The following FOSL2 variants were observed in gnomAD, a reference collection of about 807,000 sequenced individuals.
FOSL2 encodes the protein FOS like 2, AP-1 transcription factor subunit, also known as fos-related antigen 2.
A neutral mutation model predicts 27.7 loss-of-function variants in FOSL2; 3 were observed. The ratio of observed to expected loss-of-function variants is 0.11; its 90% confidence interval spans 0.05 to 0.28. The LOEUF (loss-of-function observed/expected upper bound fraction) is 0.28. Among genes scored for constraint, FOSL2 ranks in the 10% least tolerant of loss-of-function variants. The probability of loss-of-function intolerance (pLI) is 1.00; values close to 1 mark genes in which losing one functional copy is unlikely to be tolerated. For missense variants in FOSL2, 333 were observed against 445.1 expected, an observed-to-expected ratio of 0.75 and a Z score of 2.27; for synonymous variants, 179 against 190.1, an observed-to-expected ratio of 0.94 and a Z score of 0.48.
rs955137424 is a variant in FOSL2 at position 28,393,454 on chromosome 2, T to C, written c.-267T>C. 2.4e-6 allele frequency: 1 copy of C among 421,134 alleles called. No homozygotes were observed. Among genetic ancestry groups the C allele is most frequent in the South Asian group, 3.0e-5 (1 of 32,970 alleles). 26.1% of individuals were successfully genotyped at this position (421,134 alleles called of 1,614,324 possible). A position where few individuals can be genotyped will look rare whatever the true frequency, so the allele number is the denominator to read the frequency against. ...GGGACCGAGAGACGCGCCGACTTTT[T>C]AGAGGGAGGGATCGGGTGGACAACT... On this transcript the variant is annotated 5_prime_UTR_variant, in exon 1 of 4. Coordinates refer to ENST00000264716, the MANE Select transcript of FOSL2 (RefSeq NM_005253.4). The surrounding 1 kb of genome is among the most constrained non-coding windows in gnomAD (Gnocchi z 4.6).
intron 1 of FOSL2, among the ~76,000 whole-genome samples, chr2:28,403,590 T>C (rs1010635807): frequency 6.6e-6 from 1 of 152,164 alleles, no homozygotes; most frequent in Non-Finnish European, 1.5e-5. Context: ...CTGAACCTCT[T>C]TGGAAAGTGA....
At chr2:28,397,932 C>T (rs1271170501) in intron 1 of FOSL2, among the ~76,000 whole-genome samples, 1 of 152,226 alleles carries the variant, frequency 6.6e-6, no homozygotes, top group East Asian at 1.9e-4. Context: ...GTCTGACATA[C>T]AAGTCTGGAT....
At chr2:28,395,014 C>A (rs980389633) in intron 1 of FOSL2, among the ~76,000 whole-genome samples, 5 of 152,070 alleles carry the variant, frequency 3.3e-5, no homozygotes, top group African/African-American at 1.2e-4. Context: ...TCCCTTGTTC[C>A]AAAGTGATTC....
At chr2:28,410,380 C>T (rs1307464865) in intron 3 of FOSL2, 1 of 197,520 alleles carries the variant, frequency 5.1e-6, no homozygotes, top group African/African-American at 2.4e-5. Flanking sequence ...TCCTTCCCTC[C>T]TCCCAGAGGC....
intron 2 of FOSL2, among the ~76,000 whole-genome samples, chr2:28,407,817 C>T (rs1403565965): frequency 1.3e-5 from 2 of 152,246 alleles, no homozygotes; most frequent in African/African-American, 4.8e-5. Context: ...GGTCACAGCT[C>T]TGCAGGGCTC....
Position 28,414,172 on chromosome 2 carries a change from A to ATT in FOSL2, c.*1725_*1726dup, listed in dbSNP as rs762079686. 3.4e-5 allele frequency: 8 copies of ATT among 233,154 alleles called. No individual in the cohort carries two copies. Among genetic ancestry groups the ATT allele is most frequent in the Non-Finnish European group, 5.0e-5 (6 of 120,720 alleles). 14.4% of individuals were successfully genotyped at this position (233,154 alleles called of 1,614,324 possible). On this transcript the variant is annotated 3_prime_UTR_variant, in exon 4 of 4. Transcript: ENST00000264716. ...TCACAGTATCCTCGTTTGAAAGATA[A>ATT]TTAAGATCCCCCGTGGAGAAAGCAG...
rs769042947 is a variant in FOSL2 at position 28,404,087 on chromosome 2, AT to A, written c.103-12del. On this transcript the variant is annotated intron_variant, in intron 1 of 3. Transcript: ENST00000264716. This position sits in a 1 kb window ranked among gnomAD's most constrained non-coding sequence, Gnocchi z 4.7. ...GCTTAGTATTTATTGGCTCATTTGT[AT>A]TTTTTTTCCTCATTTCAGAAATTCC... The A allele has an allele frequency of 6.6e-5, 107 of 1,612,688 alleles. 4 individuals are homozygous for A. The South Asian group carries it at 1.1e-3, about 16-fold the overall frequency.
intron 1 of FOSL2, among the ~76,000 whole-genome samples, chr2:28,397,453 T>C (rs1663870928): frequency 6.6e-6 from 1 of 152,152 alleles, no homozygotes; most frequent in Non-Finnish European, 1.5e-5. Context: ...CAAAATGTTA[T>C]CCCAAGAATT....
At chr2:28,396,807 C>CACACACAA (rs1553376543) in intron 1 of FOSL2, 5 of 149,496 alleles carry the variant, frequency 3.3e-5, no homozygotes, top group African/African-American at 1.3e-4. Flanking sequence ...CACACACACA[C>CACACACAA]ACACACACAC....
chr2:28,409,358 C>T (rs1222086795), intron 3 of FOSL2, among the ~76,000 whole-genome samples: 1 of 152,186 alleles, frequency 6.6e-6, no homozygotes, highest in Non-Finnish European at 1.5e-5. Context: ...CACGTGGCAG[C>T]AGGGTTGTAT....
Position 28,412,109 on chromosome 2 carries a change from C to T in FOSL2, c.642C>T (p.Gly214=). The part of the protein sequence containing the change: ...PGLQPMRSGG[G]SVGAVVVKQE... The stretch of plus-strand genomic sequence containing the variant: ...TGCAGCCCATGCGCAGTGGGGGTGG[C>T]TCGGTGGGCGCTGTAGTGGTGAAAC... Residue 214 remains glycine, a synonymous_variant, in exon 4 of 4, where the codon GGC becomes GGT. Coordinates refer to ENST00000264716, the MANE Select transcript of FOSL2 (RefSeq NM_005253.4). The surrounding 1 kb of genome is among the most constrained non-coding windows in gnomAD (Gnocchi z 7.1). 6.2e-7 allele frequency: 1 copy of T among 1,606,122 alleles called. No individual in the cohort carries two copies. Among genetic ancestry groups the T allele is most frequent in the Non-Finnish European group, 8.5e-7 (1 of 1,179,692 alleles).
At position 28,407,624 on chromosome 2, in the gene FOSL2, C is replaced by T. The variant is rs186937467; in HGVS notation, c.355-1135C>T. 8.5e-5 allele frequency among the ~76,000 whole-genome samples: 13 copies of T among 152,342 alleles called. No homozygotes were observed. The East Asian group carries it at 1.4e-3, about 16-fold the overall frequency. On this transcript the variant is annotated intron_variant, in intron 2 of 3. Coordinates refer to ENST00000264716, the MANE Select transcript of FOSL2 (RefSeq NM_005253.4). ...GCTTTGATTTTGCCCCCAGGTGTCC[C>T]GTGAGAGCTGACCCAGGTCTTATTC... is the stretch of plus-strand genomic sequence containing the variant.
Position 28,413,310 on chromosome 2 carries a change from G to A in FOSL2, c.*862G>A. The A allele has an allele frequency of 2.5e-6, 1 of 396,194 alleles. No homozygotes were observed. The allele number at this position is 396,194 out of a possible 1,614,324, so 24.5% of individuals were successfully genotyped here. A position where few individuals can be genotyped will look rare whatever the true frequency, so the allele number is the denominator to read the frequency against. Reference sequence around the variant, plus strand: ...GTCCTAGCCAGCTTCCCTTCACCTGGTGTCTTGAGTAGGGCGTCTCCTGTA... The same window carrying A: ...GTCCTAGCCAGCTTCCCTTCACCTGATGTCTTGAGTAGGGCGTCTCCTGTA... On this transcript the variant is annotated 3_prime_UTR_variant, in exon 4 of 4. Transcript: ENST00000264716.
intron 1 of FOSL2, among the ~76,000 whole-genome samples, chr2:28,403,139 G>A (rs958824043): frequency 2.0e-5 from 3 of 152,200 alleles, no homozygotes; most frequent in Non-Finnish European, 4.4e-5. Flanking sequence ...GAAGTAGGGG[G>A]CTCTTCTCTC....
At chr2:28,409,102 ACAACCTTCTGTGGGGGTGCTAGC>A (rs1321905263) in intron 3 of FOSL2, among the ~76,000 whole-genome samples, 1 of 152,180 alleles carries the variant, frequency 6.6e-6, no homozygotes, top group African/African-American at 2.4e-5. Context: ...GAAGAAATGA[ACAACCTTCTGTGGGGGTGCTAGC>A]CACGGTTTTT....
In FOSL2 at chr2:28,404,242, C is replaced by A. The variant is rs1664032803; in HGVS notation, c.238C>A (p.His80Asn). 6.2e-7 allele frequency: 1 copy of A among 1,614,114 alleles called. No individual in the cohort carries two copies. Among genetic ancestry groups the A allele is most frequent in the African/African-American group, 1.3e-5 (1 of 74,940 alleles). ...TSMSNPYPRS[H>N]PYSPLPGLAS... The stretch of plus-strand genomic sequence containing the variant: ...CATGTCCAACCCATACCCTCGCTCG[C>A]ACCCCTACAGCCCCCTGCCGGGCCT... The change falls in exon 2 of 4, where the codon CAC becomes AAC. Residue 80 changes from histidine (H) to asparagine (N), a missense_variant. Physicochemically the swap from His to Asn is moderately conservative, Grantham distance 68. Around this residue, in one of 4 missense-constraint regions of FOSL2, gnomAD observed 131 missense variants for 157.9 expected, o/e 0.83. Coordinates refer to ENST00000264716, the MANE Select transcript of FOSL2 (RefSeq NM_005253.4). This position sits in a 1 kb window ranked among gnomAD's most constrained non-coding sequence, Gnocchi z 4.7.
rs1190627582 is a variant in FOSL2, at chr2:28,408,910, G to T, written c.462+44G>T. ...GGTGGGAGCACCTCTGGGTGGGCTG[G>T]AGTGAGAGCCCCGGGGGTCCTGATC... On this transcript the variant is annotated intron_variant, in intron 3 of 3. Transcript: ENST00000264716. This position sits in a 1 kb window ranked among gnomAD's most constrained non-coding sequence, Gnocchi z 4.1. The T allele has an allele frequency of 1.4e-6, 2 of 1,386,908 alleles. No individual in the cohort carries two copies. Among genetic ancestry groups the T allele is most frequent in the South Asian group, 1.3e-5 (1 of 77,174 alleles). The allele number at this position is 1,386,908 out of a possible 1,614,324, so 85.9% of individuals were successfully genotyped here. A position where few individuals can be genotyped will look rare whatever the true frequency, so the allele number is the denominator to read the frequency against.
chr2:28,416,453 CTT>C lies in FOSL2; in HGVS notation c.*4006_*4007del, dbSNP rs1238102440. On this transcript the variant is annotated 3_prime_UTR_variant, in exon 4 of 4. Coordinates refer to ENST00000264716, the MANE Select transcript of FOSL2 (RefSeq NM_005253.4). Reference sequence around the variant, plus strand: ...ATTAAAATACTCCGTTCCTCTCTCTCTTCTCGCTTCCTTTTTTTTTTTTTTTT... The same window carrying C: ...ATTAAAATACTCCGTTCCTCTCTCTCCTCGCTTCCTTTTTTTTTTTTTTTT... 1 of 124,496 alleles carries C rather than the reference CTT, an allele frequency of 8.0e-6. No homozygotes were observed. 7.7% of individuals were successfully genotyped at this position (124,496 alleles called of 1,614,324 possible). A position where few individuals can be genotyped will look rare whatever the true frequency, so the allele number is the denominator to read the frequency against.
chr2:28,401,418 A>G (rs1323795915), intron 1 of FOSL2, among the ~76,000 whole-genome samples: 1 of 152,092 alleles, frequency 6.6e-6, no homozygotes, highest in African/African-American at 2.4e-5. Context: ...CTACTCATTT[A>G]ATCCTCATGG....
Sources: gnomAD v4.1 joint callset for allele counts (sites outside exome capture counted in the v4.1 genomes callset) on GRCh38, gnomAD v4.1.1 for gene constraint, gnomAD v4.1.1 regional missense constraint, Gnocchi (gnomAD v3.1) non-coding constraint, MANE v1.5 for transcripts, NCBI Gene and HGNC (gene_info 2026-07-23, HGNC 2026-07-21) for gene names.